B3GALT1: variants seen among roughly 807,000 people sequenced by gnomAD.
B3GALT1 encodes UDP-Gal:betaGlcNAc beta 1,3-galactosyltransferase, polypeptide 1.
In B3GALT1, 10 loss-of-function variants were observed where a neutral mutation model predicts 23.2. That is an observed-to-expected ratio of 0.43 (90% CI 0.27 to 0.73). The LOEUF is 0.73. B3GALT1 is among the 30% of genes least tolerant of loss of function. The pLI is 0.21. For synonymous variants in B3GALT1, 156 were observed against 141.5 expected (o/e 1.10, Z -0.73); for missense variants, 299 against 405.4 (o/e 0.74, Z 2.25).
At chr2:167,771,268 A>C (rs1198545826) in intron 3 of B3GALT1, among the ~76,000 whole-genome samples, 1 of 152,078 alleles carries the variant, frequency 6.6e-6, no homozygotes, top group Non-Finnish European at 1.5e-5. Flanking sequence ...TTTCTCTTCT[A>C]TCCAAATCCT....
chr2:167,404,329 C>T (rs1698241424), intron 1 of B3GALT1, among the ~76,000 whole-genome samples: 1 of 152,136 alleles, frequency 6.6e-6, no homozygotes, highest in Non-Finnish European at 1.5e-5. Flanking sequence ...ACCTCTTACA[C>T]TGGGGATCAA....
chr2:167,854,248 G>A (rs1341775929), intron 4 of B3GALT1, among the ~76,000 whole-genome samples: 1 of 152,116 alleles, frequency 6.6e-6, no homozygotes, highest in Non-Finnish European at 1.5e-5. Context: ...ACAATGGTGT[G>A]TGGCTAAGGG....
chr2:167,864,833 A>G lies in B3GALT1; in HGVS notation c.-229-3978A>G, dbSNP rs60631890. On this transcript the variant is annotated intron_variant, in intron 4 of 4. Transcript: ENST00000392690. Reference sequence around the variant, plus strand: ...TCAGGAATGAAACTCTAAAATATAAACAGAATAGAATGGCATGGAATGCAC... The same window carrying G: ...TCAGGAATGAAACTCTAAAATATAAGCAGAATAGAATGGCATGGAATGCAC... Among the ~76,000 whole-genome samples the G allele has an allele frequency of 6.6e-3, 1,004 of 152,292 alleles. 6 individuals are homozygous for G. The highest frequency in any genetic ancestry group is 0.022 in the African/African-American group (932 of 41,556).
At chr2:167,522,622 A>G (rs2105362465) in intron 2 of B3GALT1, among the ~76,000 whole-genome samples, 1 of 152,302 alleles carries the variant, frequency 6.6e-6, no homozygotes, top group East Asian at 1.9e-4. Context: ...CACAAATTAA[A>G]ATACACTGCT....
At chr2:167,756,493 C>T (rs888775148) in intron 3 of B3GALT1, among the ~76,000 whole-genome samples, 3 of 152,166 alleles carry the variant, frequency 2.0e-5, no homozygotes, top group Admixed American at 6.5e-5. Flanking sequence ...CACTTCTCAG[C>T]GATATGCTAC....
chr2:167,402,156 C>T (rs1698202503), intron 1 of B3GALT1, among the ~76,000 whole-genome samples: 1 of 151,942 alleles, frequency 6.6e-6, no homozygotes, highest in Non-Finnish European at 1.5e-5. Context: ...GTTAAAATAA[C>T]TACTAATGTT....
intron 3 of B3GALT1, among the ~76,000 whole-genome samples, chr2:167,784,843 A>G (rs1688314557): frequency 6.6e-6 from 1 of 152,258 alleles, no homozygotes; most frequent in South Asian, 2.1e-4. Context: ...AAAAGACCCC[A>G]GTCTCATACA....
At chr2:167,865,786 C>T (rs994529083) in intron 4 of B3GALT1, among the ~76,000 whole-genome samples, 2 of 151,944 alleles carry the variant, frequency 1.3e-5, no homozygotes, top group Non-Finnish European at 2.9e-5. Flanking sequence ...AGCGAGACTC[C>T]GTCTCAAAAA....
At chr2:167,808,040 C>T (rs62195007) in intron 3 of B3GALT1, among the ~76,000 whole-genome samples, 1 of 149,262 alleles carries the variant, frequency 6.7e-6, no homozygotes, top group African/African-American at 2.5e-5. Flanking sequence ...TGAATTGATC[C>T]TTTTACCATT....
intron 1 of B3GALT1, among the ~76,000 whole-genome samples, chr2:167,439,227 C>T (rs1698838821): frequency 6.6e-6 from 1 of 152,192 alleles, no homozygotes; most frequent in East Asian, 1.9e-4. Flanking sequence ...TTTTCTTCTA[C>T]ATTAGCAGAT....
At chr2:167,712,545 T>A (rs1047573354) in intron 3 of B3GALT1, among the ~76,000 whole-genome samples, 5 of 151,878 alleles carry the variant, frequency 3.3e-5, no homozygotes, top group Non-Finnish European at 7.4e-5. Context: ...TTGAAATGCT[T>A]TAAGTAATGA....
intron 1 of B3GALT1, among the ~76,000 whole-genome samples, chr2:167,392,805 T>C (rs1390667061): frequency 6.6e-6 from 1 of 152,190 alleles, no homozygotes; most frequent in East Asian, 1.9e-4. Flanking sequence ...TTATAATTTA[T>C]TTTAATTTAC....
At position 167,635,229 on chromosome 2, in the gene B3GALT1, G is replaced by A. The variant is rs149228428; in HGVS notation, c.-409-11680G>A. 4.8e-3 allele frequency among the ~76,000 whole-genome samples: 729 copies of A among 152,012 alleles called. 5 individuals carry two copies. Among genetic ancestry groups the A allele is most frequent in the African/African-American group, 0.017 (688 of 41,492 alleles). On this transcript the variant is annotated intron_variant, in intron 2 of 4. Coordinates refer to ENST00000392690, the MANE Select transcript of B3GALT1 (RefSeq NM_020981.4). ...AAAATAAGAGCTATTTATGACAAAC[G>A]CACAGTCAATATCATACTGAATGCG...
intron 3 of B3GALT1, among the ~76,000 whole-genome samples, chr2:167,737,125 A>G (rs1361796553): frequency 6.6e-6 from 1 of 152,146 alleles, no homozygotes; most frequent in Non-Finnish European, 1.5e-5. Context: ...GTCTTTCACA[A>G]AAATAATTTT....
At chr2:167,464,634 A>T (rs534329007) in intron 1 of B3GALT1, among the ~76,000 whole-genome samples, 1 of 152,150 alleles carries the variant, frequency 6.6e-6, no homozygotes, top group Non-Finnish European at 1.5e-5. Context: ...TTAAAAACTC[A>T]GCTTTTCTGA....
intron 2 of B3GALT1, among the ~76,000 whole-genome samples, chr2:167,603,200 A>G (rs1004723209): frequency 1.3e-5 from 2 of 152,156 alleles, no homozygotes; most frequent in African/African-American, 4.8e-5. Context: ...GGCAGATGTC[A>G]TGTTTCATGT....
chr2:167,327,386 T>C (rs765803349), intron 1 of B3GALT1, among the ~76,000 whole-genome samples: 2 of 152,140 alleles, frequency 1.3e-5, no homozygotes, highest in South Asian at 4.1e-4. Flanking sequence ...GATCCATGAA[T>C]ATAGGATGTC....
intron 3 of B3GALT1, among the ~76,000 whole-genome samples, chr2:167,747,663 A>G (rs1574242742): frequency 6.6e-6 from 1 of 152,202 alleles, no homozygotes; most frequent in East Asian, 1.9e-4. Context: ...CATCCACATG[A>G]ATACCGTGTG....
chr2:167,340,320 A>G (rs981916924), intron 1 of B3GALT1, among the ~76,000 whole-genome samples: 1 of 151,228 alleles, frequency 6.6e-6, no homozygotes, highest in African/African-American at 2.4e-5. Context: ...GGAGAAAAAA[A>G]AAAAAAAAAA....
Sources: allele counts gnomAD v4.1 joint callset (sites outside exome capture counted in the v4.1 genomes callset), GRCh38; gene constraint gnomAD v4.1.1; transcripts MANE v1.5; gene names NCBI Gene and HGNC (gene_info 2026-07-23, HGNC 2026-07-21).